Variants in ROR2 observed in about 807,000 individuals in gnomAD.
The protein encoded by ROR2 is ROR family WNT receptor 2.
A neutral mutation model predicts 74.9 loss-of-function variants in ROR2; 33 were observed. The observed-to-expected ratio is 0.44, with a 90% confidence interval of 0.33 to 0.59. The LOEUF is 0.59. Ranked by LOEUF, ROR2 falls within the 20% of genes least tolerant of loss-of-function variation. ROR2 has a pLI of 0.02. For synonymous variants in ROR2, 586 were observed against 558.7 expected, an observed-to-expected ratio of 1.05 and a Z score of -0.69; for missense variants, 1,216 against 1,313.8, an observed-to-expected ratio of 0.93 and a Z score of 1.15.
At chr9:91,764,900 T>G (rs1826016412) in intron 2 of ROR2, among the ~76,000 whole-genome samples, 1 of 152,260 alleles carries the variant, frequency 6.6e-6, no homozygotes, top group South Asian at 2.1e-4. Flanking sequence ...TGGTGACTGT[T>G]GGAAGTCCTG....
At chr9:91,927,237 A>G (rs1587853069) in intron 1 of ROR2, among the ~76,000 whole-genome samples, 1 of 152,156 alleles carries the variant, frequency 6.6e-6, no homozygotes, top group East Asian at 1.9e-4. Context: ...AGAGACCCAC[A>G]GCTCCCCCAA....
At chr9:91,870,614 GA>G (rs1268140954) in intron 1 of ROR2, among the ~76,000 whole-genome samples, 19 of 152,182 alleles carry the variant, frequency 1.2e-4, no homozygotes, top group African/African-American at 4.6e-4. Context: ...ACATTTCTAG[GA>G]TGTTGAAAAC....
At chr9:91,770,608 T>G (rs1438643700) in intron 2 of ROR2, among the ~76,000 whole-genome samples, 2 of 152,172 alleles carry the variant, frequency 1.3e-5, no homozygotes, top group Non-Finnish European at 2.9e-5. Context: ...TCATGCCCAG[T>G]CTGTAGATTC....
chr9:91,872,238 G>C (rs1220637917), intron 1 of ROR2, among the ~76,000 whole-genome samples: 1 of 152,098 alleles, frequency 6.6e-6, no homozygotes, highest in Non-Finnish European at 1.5e-5. Flanking sequence ...TATAACCTGA[G>C]TTTATGTCAA....
intron 1 of ROR2, among the ~76,000 whole-genome samples, chr9:91,907,451 T>A (rs187353138): frequency 2.0e-5 from 3 of 152,320 alleles, no homozygotes; most frequent in Non-Finnish European, 4.4e-5. Context: ...CCTTGCCCAA[T>A]TTCTTTTTAG....
intron 1 of ROR2, among the ~76,000 whole-genome samples, chr9:91,803,582 CAGA>C (rs59819879): frequency 0.065 from 9,852 of 152,250 alleles, 804 homozygotes; most frequent in African/African-American, 0.18. Flanking sequence ...GAGAATTTCA[CAGA>C]AGGAGACAAC....
At chr9:91,787,802 G>T (rs10992108) in intron 1 of ROR2, among the ~76,000 whole-genome samples, 36 of 135,048 alleles carry the variant, frequency 2.7e-4, no homozygotes, top group African/African-American at 9.7e-4. Flanking sequence ...TGCACAGAAT[G>T]GGGGGGAGAA....
chr9:91,913,674 C>T (rs897923837), intron 1 of ROR2, among the ~76,000 whole-genome samples: 5 of 152,214 alleles, frequency 3.3e-5, no homozygotes, highest in Admixed American at 2.0e-4. Context: ...CCAAATCCTC[C>T]TCTGTTCCGG....
chr9:91,791,813 C>G (rs1368243651), intron 1 of ROR2, among the ~76,000 whole-genome samples: 1 of 152,082 alleles, frequency 6.6e-6, no homozygotes, highest in Non-Finnish European at 1.5e-5. Context: ...CTCCAAGATA[C>G]TAGGCCTTTA....
intron 1 of ROR2, among the ~76,000 whole-genome samples, chr9:91,891,252 C>CTTTTTTTT (rs59835723): frequency 2.2e-5 from 3 of 136,844 alleles, no homozygotes; most frequent in East Asian, 2.1e-4. Context: ...CTGTTCCTTT[C>CTTTTTTTT]TTTTTTTTTT....
At chr9:91,938,783 A>G (rs1215306687) in intron 1 of ROR2, among the ~76,000 whole-genome samples, 7 of 152,188 alleles carry the variant, frequency 4.6e-5, no homozygotes, top group African/African-American at 1.7e-4. Context: ...GCATCAGTAG[A>G]TCCCCATATT....
chr9:91,834,838 C>T (rs1325034658), intron 1 of ROR2, among the ~76,000 whole-genome samples: 2 of 152,196 alleles, frequency 1.3e-5, no homozygotes, highest in Non-Finnish European at 2.9e-5. Context: ...CTTTTGACTC[C>T]TGCAGAGCTC....
chr9:91,821,428 T>C (rs1248987612), intron 1 of ROR2, among the ~76,000 whole-genome samples: 1 of 152,188 alleles, frequency 6.6e-6, no homozygotes, highest in Non-Finnish European at 1.5e-5. Flanking sequence ...CATTCTGCTG[T>C]CTGTACCCTT....
intron 1 of ROR2, among the ~76,000 whole-genome samples, chr9:91,792,096 G>C (rs1367818186): frequency 6.6e-6 from 1 of 152,086 alleles, no homozygotes. Context: ...AGCTAAAGCA[G>C]AGAAAAATTT....
At chr9:91,822,345 G>C (rs1828162706) in intron 1 of ROR2, among the ~76,000 whole-genome samples, 1 of 152,166 alleles carries the variant, frequency 6.6e-6, no homozygotes, top group Non-Finnish European at 1.5e-5. Context: ...GGACGATGTG[G>C]ATGTATAATA....
intron 5 of ROR2, among the ~76,000 whole-genome samples, chr9:91,734,054 C>G (rs1337114964): frequency 6.6e-6 from 1 of 152,168 alleles, no homozygotes; most frequent in Non-Finnish European, 1.5e-5. Flanking sequence ...ACCCGAAGAT[C>G]CAGAGCCCCC....
chr9:91,803,628 G>A (rs774706195), intron 1 of ROR2, among the ~76,000 whole-genome samples: 4 of 152,250 alleles, frequency 2.6e-5, no homozygotes, highest in Non-Finnish European at 5.9e-5. Context: ...ATTCCAAGAA[G>A]AGAAGCATGC....
At chr9:91,849,973 C>T (rs1461982579) in intron 1 of ROR2, among the ~76,000 whole-genome samples, 1 of 152,216 alleles carries the variant, frequency 6.6e-6, no homozygotes, top group African/African-American at 2.4e-5. Context: ...CTGGTCATTT[C>T]CAAAGCAATA....
intron 1 of ROR2, among the ~76,000 whole-genome samples, chr9:91,794,847 C>T (rs1325449212): frequency 2.0e-5 from 3 of 152,096 alleles, no homozygotes; most frequent in African/African-American, 7.2e-5. Context: ...ATAGGCCAGG[C>T]GCAGTGGCTC....
Sources: gnomAD v4.1 joint callset for allele counts (sites outside exome capture counted in the v4.1 genomes callset) on GRCh38, gnomAD v4.1.1 for gene constraint, MANE v1.5 for transcripts, NCBI Gene and HGNC (gene_info 2026-07-23, HGNC 2026-07-21) for gene names.